ADAMTS17: variants seen among roughly 807,000 people sequenced by gnomAD.
The protein encoded by ADAMTS17 is ADAM metallopeptidase with thrombospondin type 1 motif 17, also known as A disintegrin and metalloproteinase with thrombospondin motifs 17.
ADAMTS17 carries 113 observed loss-of-function variants against 141.5 expected under a neutral mutation model. That is an observed-to-expected ratio of 0.80 (90% CI 0.69 to 0.93). The LOEUF (loss-of-function observed/expected upper bound fraction) is 0.93. Among genes scored for constraint, ADAMTS17 ranks in the 40% least tolerant of loss-of-function variants. The probability of loss-of-function intolerance (pLI) is 0.00; values close to 1 mark genes in which losing one functional copy is unlikely to be tolerated. For missense variants in ADAMTS17, 1,659 were observed against 1,517.9 expected, an observed-to-expected ratio of 1.09 and a Z score of -1.54; for synonymous variants, 768 against 630.6, an observed-to-expected ratio of 1.22 and a Z score of -3.27.
At chr15:99,998,560 C>T (rs551254594) in intron 18 of ADAMTS17, among the ~76,000 whole-genome samples, 5 of 152,206 alleles carry the variant, frequency 3.3e-5, no homozygotes, top group African/African-American at 9.6e-5. Context: ...GCCAAGATCG[C>T]GCCACTGCAC....
chr15:100,320,649 A>G (rs1205119598), intron 3 of ADAMTS17, among the ~76,000 whole-genome samples: 1 of 152,198 alleles, frequency 6.6e-6, no homozygotes, highest in Non-Finnish European at 1.5e-5. Flanking sequence ...CCTGGGCTAC[A>G]TGGTGAAACC....
intron 3 of ADAMTS17, among the ~76,000 whole-genome samples, chr15:100,326,797 T>C (rs1480066615): frequency 6.6e-6 from 1 of 152,122 alleles, no homozygotes; most frequent in Non-Finnish European, 1.5e-5. Context: ...GACCCCCTCA[T>C]CCTAATTAAA....
intron 14 of ADAMTS17, among the ~76,000 whole-genome samples, chr15:100,101,132 C>T (rs533127542): frequency 1.7e-4 from 26 of 152,340 alleles, no homozygotes; most frequent in African/African-American, 6.0e-4. Flanking sequence ...TCTTGCTTCC[C>T]TCTGCCTGGA....
At chr15:100,210,282 G>A (rs554841748) in intron 7 of ADAMTS17, among the ~76,000 whole-genome samples, 2 of 151,160 alleles carry the variant, frequency 1.3e-5, no homozygotes, top group South Asian at 2.1e-4. Context: ...AACAGGGAGG[G>A]GTAAGTAATG....
intron 20 of ADAMTS17, 90 bp downstream of exon 20, chr15:99,992,958 A>C: frequency 6.5e-7 from 1 of 1,543,580 alleles, no homozygotes; most frequent in Non-Finnish European, 8.9e-7. Context: ...ACTGCCGCGT[A>C]GAATTGGGAC....
At chr15:100,052,036 C>A (rs1403270610) in intron 16 of ADAMTS17, among the ~76,000 whole-genome samples, 1 of 152,252 alleles carries the variant, frequency 6.6e-6, no homozygotes, top group African/African-American at 2.4e-5. Flanking sequence ...TCTCACTGCA[C>A]TTTTGATGGA....
chr15:100,107,779 A>G (rs1238454591), intron 14 of ADAMTS17, among the ~76,000 whole-genome samples: 1 of 152,070 alleles, frequency 6.6e-6, no homozygotes, highest in Non-Finnish European at 1.5e-5. Flanking sequence ...CAAGGCCTCA[A>G]TCTTGGACTT....
At chr15:100,040,891 A>T (rs1224449115) in intron 18 of ADAMTS17, among the ~76,000 whole-genome samples, 2 of 152,228 alleles carry the variant, frequency 1.3e-5, no homozygotes, top group African/African-American at 2.4e-5. Context: ...AATACACCAC[A>T]GGTATTAGTC....
rs1055288548 is a variant in ADAMTS17, at chr15:100,240,738, T to G, written c.1075+13398A>C. On this transcript the variant is annotated intron_variant, in intron 7 of 21. Coordinates refer to ENST00000268070, the MANE Select transcript of ADAMTS17 (RefSeq NM_139057.4). ...TATTATTCTTTGTCAAGACGCGGTA[T>G]AAGGCCAAGTTCTAATCACCCCTCT... is the stretch of plus-strand genomic sequence containing the variant. Among the ~76,000 whole-genome samples the G allele has an allele frequency of 3.9e-5, 6 of 152,360 alleles. No individual in the cohort carries two copies. The East Asian group carries it at 1.2e-3, about 29-fold the overall frequency.
chr15:100,020,970 C>A (rs759029880), intron 18 of ADAMTS17, among the ~76,000 whole-genome samples: 2 of 152,276 alleles, frequency 1.3e-5, no homozygotes, highest in Non-Finnish European at 2.9e-5. Context: ...GCTGTTCTCC[C>A]CTCCACTTCT....
intron 10 of ADAMTS17, among the ~76,000 whole-genome samples, chr15:100,135,678 GTGTT>G (rs1477295300): frequency 1.3e-5 from 2 of 152,160 alleles, no homozygotes; most frequent in Non-Finnish European, 2.9e-5. Context: ...AACCAACAAA[GTGTT>G]TGTATCCAAA....
intron 4 of ADAMTS17, among the ~76,000 whole-genome samples, chr15:100,275,521 A>C (rs768007620): frequency 6.6e-6 from 1 of 152,192 alleles, no homozygotes; most frequent in Non-Finnish European, 1.5e-5. Flanking sequence ...GTGGAGACAG[A>C]AAGAAAGGAT....
At chr15:100,210,736 TG>T (rs1567360364) in intron 7 of ADAMTS17, among the ~76,000 whole-genome samples, 1 of 151,952 alleles carries the variant, frequency 6.6e-6, no homozygotes, top group East Asian at 1.9e-4. Flanking sequence ...GAGGCCAAGG[TG>T]GGTGGATCAC....
intron 20 of ADAMTS17, chr15:99,979,408 T>TA (rs2060436406): frequency 6.7e-6 from 1 of 148,868 alleles, no homozygotes. Context: ...AAAAATCACT[T>TA]ACAAAAGCAA....
At chr15:100,184,552 T>C (rs1338879532) in intron 8 of ADAMTS17, among the ~76,000 whole-genome samples, 1 of 152,208 alleles carries the variant, frequency 6.6e-6, no homozygotes, top group East Asian at 1.9e-4. Context: ...CTGGGGCACA[T>C]GGAGGGTAAA....
At chr15:100,242,786 C>G (rs187957910) in intron 7 of ADAMTS17, among the ~76,000 whole-genome samples, 4 of 152,308 alleles carry the variant, frequency 2.6e-5, no homozygotes, top group Admixed American at 6.5e-5. Context: ...AACACTGCTC[C>G]CTCTGTCATC....
chr15:100,338,570 CT>C (rs1232654010), intron 2 of ADAMTS17, among the ~76,000 whole-genome samples: 5 of 152,326 alleles, frequency 3.3e-5, no homozygotes, highest in Non-Finnish European at 5.9e-5. Flanking sequence ...GCAACAAAGG[CT>C]ATGTGGCCCC....
chr15:100,321,766 A>T (rs753577798), intron 3 of ADAMTS17, among the ~76,000 whole-genome samples: 1 of 152,226 alleles, frequency 6.6e-6, no homozygotes, highest in Non-Finnish European at 1.5e-5. Context: ...GATTTTTAAT[A>T]TATCTCTAAA....
intron 20 of ADAMTS17, chr15:99,976,685 G>T: frequency 7.9e-6 from 2 of 254,422 alleles, no homozygotes; most frequent in East Asian, 2.2e-4. Flanking sequence ...ACCCGAGCTT[G>T]CTGGCTCTCC....
Sources: gnomAD v4.1 joint callset for allele counts (sites outside exome capture counted in the v4.1 genomes callset) on GRCh38, gnomAD v4.1.1 for gene constraint, MANE v1.5 for transcripts, NCBI Gene and HGNC (gene_info 2026-07-23, HGNC 2026-07-21) for gene names.